Variants in SLC25A33 observed in about 807,000 individuals in gnomAD.
SLC25A33 encodes the protein solute carrier family 25 member 33, also known as bone marrow stromal cell mitochondrial carrier protein.
In SLC25A33, 15 loss-of-function variants were observed where a neutral mutation model predicts 35.5. That is an observed-to-expected ratio of 0.42 (90% CI 0.28 to 0.65). The LOEUF (loss-of-function observed/expected upper bound fraction) is 0.65. Ranked by LOEUF, SLC25A33 falls within the 30% of genes least tolerant of loss-of-function variation. SLC25A33 has a pLI of 0.20. For synonymous variants in SLC25A33, 136 were observed against 148.7 expected (o/e 0.91, Z 0.62); for missense variants, 257 against 398.5 (o/e 0.64, Z 3.02).
chr1:9,571,807 T>A (rs1316395347), intron 4 of SLC25A33, among the ~76,000 whole-genome samples: 1 of 152,024 alleles, frequency 6.6e-6, no homozygotes, highest in Non-Finnish European at 1.5e-5. Context: ...CCCAGCTAAT[T>A]TTTTTGTATT....
intron 2 of SLC25A33, among the ~76,000 whole-genome samples, chr1:9,560,624 A>G (rs915532710): frequency 2.0e-5 from 3 of 152,220 alleles, no homozygotes; most frequent in Non-Finnish European, 4.4e-5. Flanking sequence ...ACTTTAAAAG[A>G]CTTGTCAGAG....
At chr1:9,568,734 C>G (rs1051023708) in intron 3 of SLC25A33, among the ~76,000 whole-genome samples, 1 of 151,904 alleles carries the variant, frequency 6.6e-6, no homozygotes, top group African/African-American at 2.4e-5. Flanking sequence ...ACCTGTAGTC[C>G]CAACTACTCA....
intron 1 of SLC25A33, among the ~76,000 whole-genome samples, chr1:9,547,244 A>G (rs1046093013): frequency 6.6e-6 from 1 of 152,184 alleles, no homozygotes; most frequent in Non-Finnish European, 1.5e-5. Context: ...ACCTGAGGTC[A>G]GGAGTTCAAG....
intron 5 of SLC25A33, among the ~76,000 whole-genome samples, chr1:9,577,728 G>T (rs1643682455): frequency 6.6e-6 from 1 of 152,024 alleles, no homozygotes; most frequent in African/African-American, 2.4e-5. Context: ...GAGGTAGGGG[G>T]TGCCCTCCAG....
At chr1:9,561,618 T>C (rs1643425171) in intron 2 of SLC25A33, among the ~76,000 whole-genome samples, 1 of 152,082 alleles carries the variant, frequency 6.6e-6, no homozygotes, top group African/African-American at 2.4e-5. Flanking sequence ...ACTGTTATTA[T>C]GTGTAACTAT....
intron 2 of SLC25A33, chr1:9,556,195 C>A (rs1040958981): frequency 2.0e-6 from 2 of 985,240 alleles, no homozygotes; most frequent in African/African-American, 3.5e-5. Context: ...GTGCCAGTGT[C>A]CCGGGTGACA....
In SLC25A33 at chr1:9,580,315, C is replaced by T. The variant is rs968618810; in HGVS notation, c.763+81C>T. ...TGTGGGTATATCTAGACTTCTGAGG[C>T]GCACATTGAGGCGCAGGATCCCTGC... On this transcript the variant is annotated intron_variant, in intron 6 of 6. Transcript: ENST00000302692. 5.4e-5 allele frequency: 83 copies of T among 1,530,704 alleles called. 1 individual carries two copies. Among genetic ancestry groups the T allele is most frequent in the South Asian group, 3.2e-4 (25 of 77,890 alleles). 94.8% of individuals were successfully genotyped at this position (1,530,704 alleles called of 1,614,324 possible).
chr1:9,579,691 C>T (rs568386420), intron 5 of SLC25A33, among the ~76,000 whole-genome samples: 1 of 152,266 alleles, frequency 6.6e-6, no homozygotes, highest in East Asian at 1.9e-4. Context: ...TAGGAGGGGA[C>T]TCTCATGGAG....
In SLC25A33 at chr1:9,540,306, G is replaced by T. The variant is rs922274061; in HGVS notation, c.56+559G>T. The stretch of plus-strand genomic sequence containing the variant: ...CCACACGCGGGGTGGCTAAGCCAGG[G>T]ACCCGAACTCATATGAGGTCTGGAA... On this transcript the variant is annotated intron_variant, in intron 1 of 6. Coordinates refer to ENST00000302692, the MANE Select transcript of SLC25A33 (RefSeq NM_032315.3). Among the ~76,000 whole-genome samples the T allele has an allele frequency of 2.6e-5, 4 of 152,166 alleles. No homozygotes were observed. The East Asian group carries it at 5.8e-4, about 22-fold the overall frequency.
chr1:9,575,577 T>C (rs754216643), intron 5 of SLC25A33, among the ~76,000 whole-genome samples: 3 of 152,070 alleles, frequency 2.0e-5, no homozygotes, highest in Non-Finnish European at 4.4e-5. Flanking sequence ...ATCACACCAC[T>C]GCACTTCAGC....
At chr1:9,558,983 T>G (rs760441277) in intron 2 of SLC25A33, among the ~76,000 whole-genome samples, 2 of 152,172 alleles carry the variant, frequency 1.3e-5, no homozygotes, top group Non-Finnish European at 2.9e-5. Context: ...TTTCATCTCC[T>G]ATTTTCCCCT....
chr1:9,546,334 G>C (rs1643168998), intron 1 of SLC25A33, among the ~76,000 whole-genome samples: 1 of 151,732 alleles, frequency 6.6e-6, no homozygotes, highest in African/African-American at 2.4e-5. Context: ...ATAGGCACCC[G>C]CCACCACACC....
At position 9,556,328 on chromosome 1, in the gene SLC25A33, T is replaced by G. The variant is rs111771230; in HGVS notation, c.236+2523T>G. 2.8e-4 allele frequency: 239 copies of G among 844,758 alleles called. No homozygotes were observed. The African/African-American group carries it at 4.1e-3, about 14-fold the overall frequency. 52.3% of individuals were successfully genotyped at this position (844,758 alleles called of 1,614,324 possible). ...ATAATCATGACTAGTGAATTTGGAT[T>G]TACTGTAACTGGGGAACTGTTACCC... On this transcript the variant is annotated intron_variant, in intron 2 of 6. Transcript: ENST00000302692.
intron 5 of SLC25A33, among the ~76,000 whole-genome samples, chr1:9,574,247 C>T (rs1297575475): frequency 6.6e-6 from 1 of 151,858 alleles, no homozygotes; most frequent in African/African-American, 2.4e-5. Context: ...GTGCATGCCA[C>T]CACACCCAGC....
In SLC25A33 at chr1:9,553,818, T is replaced by A; in HGVS notation, c.236+13T>A. ...TTCAGGTTCTGAAGTAAGTTCAGTC[T>A]TGTCTGCTCCTGCCACCTGCACACC... On this transcript the variant is annotated intron_variant, in intron 2 of 6. Coordinates refer to ENST00000302692, the MANE Select transcript of SLC25A33 (RefSeq NM_032315.3). 6.2e-7 allele frequency: 1 copy of A among 1,608,336 alleles called. No individual in the cohort carries two copies. The highest frequency in any genetic ancestry group is 8.5e-7 in the Non-Finnish European group (1 of 1,176,060).
At chr1:9,558,921 C>G (rs969495936) in intron 2 of SLC25A33, among the ~76,000 whole-genome samples, 9 of 152,160 alleles carry the variant, frequency 5.9e-5, no homozygotes, top group Non-Finnish European at 1.0e-4. Context: ...ACAGCTATCC[C>G]TGTGGCCTAC....
At chr1:9,550,154 C>T (rs1304396593) in intron 1 of SLC25A33, among the ~76,000 whole-genome samples, 1 of 147,906 alleles carries the variant, frequency 6.8e-6, no homozygotes, top group Non-Finnish European at 1.5e-5. Context: ...GTGTACACCA[C>T]CATGCCTGAC....
intron 1 of SLC25A33, among the ~76,000 whole-genome samples, chr1:9,546,486 A>G (rs1643171516): frequency 6.6e-6 from 1 of 151,992 alleles, no homozygotes; most frequent in Non-Finnish European, 1.5e-5. Context: ...ACCCGGCCCC[A>G]CAGAGAATTT....
intron 5 of SLC25A33, among the ~76,000 whole-genome samples, chr1:9,577,186 G>A (rs1025846808): frequency 5.3e-5 from 8 of 152,150 alleles, no homozygotes; most frequent in Non-Finnish European, 7.4e-5. Flanking sequence ...GGCTGGACTC[G>A]GTGCCTCACA....
Sources: allele counts gnomAD v4.1 joint callset (sites outside exome capture counted in the v4.1 genomes callset), GRCh38; gene constraint gnomAD v4.1.1; transcripts MANE v1.5; gene names NCBI Gene and HGNC (gene_info 2026-07-23, HGNC 2026-07-21).